PACSIN1: variants seen among roughly 807,000 people sequenced by gnomAD.
PACSIN1 encodes the protein protein kinase C and casein kinase substrate in neurons protein 1.
Under a neutral mutation model 59.5 loss-of-function variants are expected in PACSIN1, and 15 were observed. The ratio of observed to expected loss-of-function variants is 0.25; its 90% CI spans 0.17 to 0.39. The LOEUF (loss-of-function observed/expected upper bound fraction) is 0.39, where lower values mean the gene tolerates loss of function less well. Ranked by LOEUF, PACSIN1 falls within the 10% of genes least tolerant of loss-of-function variation. The pLI is 1.00. For synonymous variants in PACSIN1, 210 were observed against 220.6 expected (o/e 0.95, Z 0.42); for missense variants, 420 against 580.2 (o/e 0.72, Z 2.84).
intron 1 of PACSIN1, among the ~76,000 whole-genome samples, chr6:34,505,651 G>GTTTTTT (rs1767101550): frequency 1.3e-5 from 1 of 78,042 alleles, no homozygotes; most frequent in African/African-American, 5.6e-5. Context: ...TTTTTTTTGA[G>GTTTTTT]ATGGAGTCTC....
At position 34,522,989 on chromosome 6, in the gene PACSIN1, G is replaced by C. The variant is rs1377105924; in HGVS notation, c.-63-3254G>C. The stretch of plus-strand genomic sequence containing the variant: ...CCTTCCTCAGTCCACTGATTGCAAA[G>C]CCGGCCTCTTCCCGAAACACCCTCA... On this transcript the variant is annotated intron_variant, in intron 1 of 9. Transcript: ENST00000244458. Among the ~76,000 whole-genome samples the C allele has an allele frequency of 2.0e-5, 3 of 152,214 alleles. No individual in the cohort carries two copies. In the East Asian group the frequency reaches 5.8e-4, roughly 29 times the overall value.
Position 34,516,329 on chromosome 6 carries a change from C to G in PACSIN1, c.-63-9914C>G, listed in dbSNP as rs955138187. Among the ~76,000 whole-genome samples, 2 of 152,198 alleles carry G rather than the reference C, an allele frequency of 1.3e-5. No individual in the cohort carries two copies. The highest frequency in any genetic ancestry group is 2.9e-5 in the Non-Finnish European group (2 of 68,022). ...ACGTTAGACGCACATTCACAGAGTG[C>G]TGGACTCAGGGGCTCCCACTTTGGG... On this transcript the variant is annotated intron_variant, in intron 1 of 9. Transcript: ENST00000244458. The surrounding 1 kb of genome is among the most constrained non-coding windows in gnomAD (Gnocchi z 5.4).
chr6:34,493,051 A>T (rs1766900270), intron 1 of PACSIN1, among the ~76,000 whole-genome samples: 1 of 152,212 alleles, frequency 6.6e-6, no homozygotes, highest in African/African-American at 2.4e-5. Flanking sequence ...AGTTGATCCC[A>T]TATGGAGCGC....
Position 34,531,562 on chromosome 6 carries a change from G to C in PACSIN1, c.1038-38G>C. 2.5e-6 allele frequency: 4 copies of C among 1,603,594 alleles called. No individual in the cohort carries two copies. The highest frequency in any genetic ancestry group is 3.4e-6 in the Non-Finnish European group (4 of 1,172,286). ...CGGTTAGCCCTCGGGATGCGGTACG[G>C]GGAGACATTGAAGCTGGCTCCTTCC... On this transcript the variant is annotated intron_variant, in intron 8 of 9. Coordinates refer to ENST00000244458, the MANE Select transcript of PACSIN1 (RefSeq NM_020804.5). The surrounding 1 kb of genome is among the most constrained non-coding windows in gnomAD (Gnocchi z 4.4).
chr6:34,529,558 G>A lies in PACSIN1; in HGVS notation c.612+6G>A. ...GCAAGCAGGATGTGCAGAAGGTGCT[G>A]GCGGGCAGGGATGGCAGTAGGGGGT... On this transcript the variant is annotated splice_donor_region_variant and intron_variant, in intron 5 of 9. Transcript: ENST00000244458. The surrounding 1 kb of genome is among the most constrained non-coding windows in gnomAD (Gnocchi z 6.3). 1.2e-6 allele frequency: 2 copies of A among 1,614,080 alleles called. No individual in the cohort carries two copies. The highest frequency in any genetic ancestry group is 1.3e-5 in the African/African-American group (1 of 75,026).
intron 1 of PACSIN1, among the ~76,000 whole-genome samples, chr6:34,497,238 G>A (rs891780944): frequency 6.6e-6 from 1 of 151,846 alleles, no homozygotes; most frequent in Admixed American, 6.6e-5. Flanking sequence ...GCTGAGCCCC[G>A]CGCCCAGCCA....
At chr6:34,495,236 T>C (rs1047931095) in intron 1 of PACSIN1, among the ~76,000 whole-genome samples, 2 of 152,188 alleles carry the variant, frequency 1.3e-5, no homozygotes, top group African/African-American at 4.8e-5. Flanking sequence ...TATTTAGATG[T>C]GCAAAAGGAG....
chr6:34,481,651 C>A (rs1343971772), intron 1 of PACSIN1, among the ~76,000 whole-genome samples: 1 of 148,318 alleles, frequency 6.7e-6, no homozygotes, highest in Non-Finnish European at 1.5e-5. Context: ...GCCTGGGCGA[C>A]AGAGCAAGAC....
Position 34,527,317 on chromosome 6 carries a change from C to T in PACSIN1, c.64-15C>T. On this transcript the variant is annotated splice_polypyrimidine_tract_variant and intron_variant, in intron 2 of 9. Coordinates refer to ENST00000244458, the MANE Select transcript of PACSIN1 (RefSeq NM_020804.5). ...TGGGAACCCGCGGGAGTGGTGCTCGCTGCTTGGCCGCCAGGTGGGGAACTA... is the reference window on the plus strand; with the variant it reads ...TGGGAACCCGCGGGAGTGGTGCTCGTTGCTTGGCCGCCAGGTGGGGAACTA... 6.5e-7 allele frequency: 1 copy of T among 1,547,892 alleles called. No homozygotes were observed. The highest frequency in any genetic ancestry group is 1.2e-5 in the South Asian group (1 of 83,420).
chr6:34,472,024 C>T (rs553509634), intron 1 of PACSIN1, among the ~76,000 whole-genome samples: 15 of 152,178 alleles, frequency 9.9e-5, no homozygotes, highest in Non-Finnish European at 1.6e-4. Flanking sequence ...TAAGTTAAAG[C>T]AAGTGGCTTT....
rs1442173419 is a variant in PACSIN1 at position 34,526,353 on chromosome 6, C to A, written c.48C>A (p.Thr16=). The change falls in exon 2 of 10, where the codon ACC becomes ACA. Residue 16 remains threonine, a synonymous_variant. Transcript: ENST00000244458. ...CCTCACTGGCGCCAGAGGAGACCAC[C>A]GACAGCTTCTGGGAGGTGAGGCTCT... ...DEASLAPEET[T]DSFWEVGNYK... 3 of 1,612,314 alleles carry A rather than the reference C, an allele frequency of 1.9e-6. No homozygotes were observed. Among genetic ancestry groups the A allele is most frequent in the Non-Finnish European group, 2.5e-6 (3 of 1,179,832 alleles).
intron 1 of PACSIN1, among the ~76,000 whole-genome samples, chr6:34,496,342 G>C (rs1384026917): frequency 6.6e-6 from 1 of 152,300 alleles, no homozygotes; most frequent in South Asian, 2.1e-4. Flanking sequence ...AGGAGGCTAC[G>C]GTGGGGGCCT....
In PACSIN1 at chr6:34,530,212, C is replaced by T. The variant is rs375105101; in HGVS notation, c.789-31C>T. 6 of 1,587,342 alleles carry T rather than the reference C, an allele frequency of 3.8e-6. No homozygotes were observed. The highest frequency in any genetic ancestry group is 5.2e-6 in the Non-Finnish European group (6 of 1,162,784). ...GAGGAGGGGCCATGTTGAATCTGTG[C>T]CCTCCACCTCCCCCATCTCCCTGAG... On this transcript the variant is annotated intron_variant, in intron 6 of 9. Transcript: ENST00000244458. This position sits in a 1 kb window ranked among gnomAD's most constrained non-coding sequence, Gnocchi z 4.4.
chr6:34,528,204 G>T (rs1177294769), intron 3 of PACSIN1, among the ~76,000 whole-genome samples: 1 of 152,246 alleles, frequency 6.6e-6, no homozygotes, highest in Non-Finnish European at 1.5e-5. Context: ...CAAACAACAA[G>T]TCAGTGTGGA....
chr6:34,532,807 A>G lies in PACSIN1; in HGVS notation c.*277A>G, dbSNP rs1767625550. ...AACATCTGCTCTTCGGGTTCCACCA[A>G]AGAGTCTCCTGAGCCCTGAGGGATG... On this transcript the variant is annotated 3_prime_UTR_variant, in exon 10 of 10. Coordinates refer to ENST00000244458, the MANE Select transcript of PACSIN1 (RefSeq NM_020804.5). This position sits in a 1 kb window ranked among gnomAD's most constrained non-coding sequence, Gnocchi z 5.2. 5.3e-6 allele frequency: 2 copies of G among 377,148 alleles called. No homozygotes were observed. The highest frequency in any genetic ancestry group is 2.1e-5 in the African/African-American group (1 of 47,062). The allele number at this position is 377,148 out of a possible 1,614,324, so 23.4% of individuals were successfully genotyped here. A position where few individuals can be genotyped will look rare whatever the true frequency, so the allele number is the denominator to read the frequency against.
intron 1 of PACSIN1, among the ~76,000 whole-genome samples, chr6:34,519,395 C>G (rs1424716786): frequency 3.3e-5 from 5 of 152,116 alleles, no homozygotes; most frequent in Non-Finnish European, 7.4e-5. Context: ...TGGAACACCC[C>G]AGGTTAGAGG....
rs915990587 is a variant in PACSIN1 at position 34,489,570 on chromosome 6, C to T, written c.-64+23300C>T. On this transcript the variant is annotated intron_variant, in intron 1 of 9. Transcript: ENST00000244458. ...AGAGCTATCATAGTAGCTCTTGCCC[C>T]GCAGGCCAAAGCACCAGTGTGGGGG... Among the ~76,000 whole-genome samples the T allele has an allele frequency of 7.9e-5, 12 of 152,138 alleles. No individual in the cohort carries two copies. The South Asian group carries it at 8.3e-4, about 10-fold the overall frequency.
chr6:34,505,052 CAT>C (rs1767088241), intron 1 of PACSIN1, among the ~76,000 whole-genome samples: 1 of 151,782 alleles, frequency 6.6e-6, no homozygotes. Context: ...GTGGCACAAT[CAT>C]AGTTCACTGC....
chr6:34,519,078 G>A (rs1200775546), intron 1 of PACSIN1, among the ~76,000 whole-genome samples: 1 of 152,162 alleles, frequency 6.6e-6, no homozygotes, highest in Non-Finnish European at 1.5e-5. Context: ...GGGTGGTGAA[G>A]GGTGAAAGGT....
Sources: allele counts gnomAD v4.1 joint callset (sites outside exome capture counted in the v4.1 genomes callset), GRCh38; gene constraint gnomAD v4.1.1; non-coding constraint Gnocchi (gnomAD v3.1); transcripts MANE v1.5; gene names NCBI Gene and HGNC (gene_info 2026-07-23, HGNC 2026-07-21).